Variants in LMNTD1 observed in about 807,000 individuals in gnomAD.
LMNTD1 encodes lamin tail domain-containing protein 1.
A neutral mutation model predicts 50.9 loss-of-function variants in LMNTD1; 35 were observed. That is an observed-to-expected ratio of 0.69 (90% CI 0.53 to 0.91). The LOEUF (loss-of-function observed/expected upper bound fraction) is 0.91. Ranked by LOEUF, LMNTD1 falls within the 40% of genes least tolerant of loss-of-function variation. The pLI is 0.00. For missense variants in LMNTD1, 470 were observed against 475.5 expected (o/e 0.99, Z 0.11); for synonymous variants, 153 against 161.9 (o/e 0.94, Z 0.42).
At chr12:25,542,945 G>A (rs1328406991) in intron 4 of LMNTD1, among the ~76,000 whole-genome samples, 2 of 151,688 alleles carry the variant, frequency 1.3e-5, no homozygotes, top group Admixed American at 1.3e-4. Context: ...AATGAGAAAG[G>A]TGATACCAAT....
chr12:25,484,258 G>A (rs1004393101), intron 9 of LMNTD1, among the ~76,000 whole-genome samples: 6 of 151,828 alleles, frequency 4.0e-5, no homozygotes, highest in African/African-American at 1.5e-4. Flanking sequence ...AAGCATTGTT[G>A]TTTTTCGTTT....
chr12:25,546,522 C>T lies in LMNTD1; in HGVS notation c.343G>A (p.Asp115Asn). 6.4e-7 allele frequency: 1 copy of T among 1,569,708 alleles called. No individual in the cohort carries two copies. Among genetic ancestry groups the T allele is most frequent in the Non-Finnish European group, 8.7e-7 (1 of 1,155,796 alleles). ...CCATCCCCAATCATGGGTGATTCAT[C>T]CTGTTTCTTCGGAACTGAGAAGGGG... ...ASPFSVPKKQ[D>N]ESPMIGDGED... The change falls in exon 4 of 10, where the codon GAT becomes AAT. Residue 115 changes from aspartate to asparagine, a missense_variant. Asp to Asn is a conservative substitution (Grantham distance 23). Transcript: ENST00000458174.
upstream of LMNTD1, among the ~76,000 whole-genome samples, chr12:25,554,045 A>G (rs1337301346): frequency 6.6e-6 from 1 of 152,228 alleles, no homozygotes; most frequent in Non-Finnish European, 1.5e-5. Flanking sequence ...GAAAAAGTCA[A>G]GACGTGTAAC....
intron 2 of LMNTD1, 49 bp from the exon 3 acceptor site, chr12:25,549,595 G>A (rs901290989): frequency 1.8e-6 from 2 of 1,116,354 alleles, no homozygotes; most frequent in African/African-American, 1.6e-5. Context: ...AAGTAAAAGT[G>A]GCTGTGAATA....
intron 2 of LMNTD1, among the ~76,000 whole-genome samples, chr12:25,552,563 C>A (rs1943818840): frequency 1.7e-5 from 2 of 119,922 alleles, no homozygotes; most frequent in Non-Finnish European, 3.3e-5. Context: ...GCCAAGATCG[C>A]GCCACTGCAC....
At chr12:25,527,713 CACACACAT>C (rs1240405610) in intron 4 of LMNTD1, among the ~76,000 whole-genome samples, 5 of 119,534 alleles carry the variant, frequency 4.2e-5, no homozygotes, top group East Asian at 2.7e-4. Flanking sequence ...CACACACACA[CACACACAT>C]ATACACACAT....
chr12:25,595,673 G>C (rs1300938394), intron 1 of LMNTD1, among the ~76,000 whole-genome samples: 1 of 152,054 alleles, frequency 6.6e-6, no homozygotes, highest in Non-Finnish European at 1.5e-5. Context: ...CAAGGAACTA[G>C]AGAAACAAGA....
At chr12:25,591,266 G>A (rs780415183) in intron 1 of LMNTD1, among the ~76,000 whole-genome samples, 7 of 152,100 alleles carry the variant, frequency 4.6e-5, no homozygotes, top group Non-Finnish European at 1.0e-4. Context: ...AGCCACCTGG[G>A]AGTGGTATAA....
At chr12:25,509,965 C>A (rs1181484120) in intron 8 of LMNTD1, among the ~76,000 whole-genome samples, 1 of 152,166 alleles carries the variant, frequency 6.6e-6, no homozygotes, top group Non-Finnish European at 1.5e-5. Flanking sequence ...GAATAAATTT[C>A]TATTGTTTTA....
chr12:25,503,968 G>A (rs1294605009), intron 8 of LMNTD1, among the ~76,000 whole-genome samples, 168 bp from the exon 9 acceptor site: 1 of 152,180 alleles, frequency 6.6e-6, no homozygotes, highest in African/African-American at 2.4e-5. Flanking sequence ...GTGGCTTCAG[G>A]ATAGTATTTA....
intron 1 of LMNTD1, among the ~76,000 whole-genome samples, chr12:25,576,020 T>C (rs1945004095): frequency 6.6e-6 from 1 of 152,230 alleles, no homozygotes; most frequent in Admixed American, 6.5e-5. Context: ...GGGCAGGAAC[T>C]CATCCTTTTT....
chr12:25,500,949 CAAAT>C (rs1939353013), intron 9 of LMNTD1, among the ~76,000 whole-genome samples: 1 of 151,266 alleles, frequency 6.6e-6, no homozygotes, highest in African/African-American at 2.4e-5. Context: ...AATTAGTGGT[CAAAT>C]AAACTCGAGA....
chr12:25,552,783 T>C lies in LMNTD1; in HGVS notation c.89+88A>G, dbSNP rs369599493. 80 of 770,808 alleles carry C rather than the reference T, an allele frequency of 1.0e-4. No homozygotes were observed. The East Asian group carries it at 1.2e-3, about 12-fold the overall frequency. 47.7% of individuals were successfully genotyped at this position (770,808 alleles called of 1,614,324 possible). A position where few individuals can be genotyped will look rare whatever the true frequency, so the allele number is the denominator to read the frequency against. ...TCTAGTTCTAACTGGTTCATAAGAG[T>C]ATTGAAACAAAAGAGGTCAAGCATG... On this transcript the variant is annotated intron_variant, in intron 2 of 9. Coordinates refer to ENST00000458174, the MANE Select transcript of LMNTD1 (RefSeq NM_001145728.2).
chr12:25,519,501 T>C (rs1941095758), intron 7 of LMNTD1, among the ~76,000 whole-genome samples: 1 of 145,092 alleles, frequency 6.9e-6, no homozygotes, highest in Non-Finnish European at 1.5e-5. Flanking sequence ...GGCAGCAGAA[T>C]GGCGTGAACC....
At chr12:25,519,728 G>C (rs992788127) in intron 7 of LMNTD1, 130 bp downstream of exon 7, 5 of 629,452 alleles carry the variant, frequency 7.9e-6, no homozygotes, top group Non-Finnish European at 1.4e-5. Context: ...ATTCAAAATA[G>C]TAGTTTCCAA....
chr12:25,636,652 A>G (rs1946841785), intron 1 of LMNTD1, among the ~76,000 whole-genome samples: 1 of 152,148 alleles, frequency 6.6e-6, no homozygotes, highest in Admixed American at 6.6e-5. Flanking sequence ...AGAGAAAAAG[A>G]AGACATTATA....
At chr12:25,635,188 C>T (rs577675382) in intron 1 of LMNTD1, among the ~76,000 whole-genome samples, 7 of 138,776 alleles carry the variant, frequency 5.0e-5, no homozygotes, top group African/African-American at 1.6e-4. Context: ...TGTGGTGAGC[C>T]GAAATCACAC....
chr12:25,498,599 C>T (rs1414582601), intron 9 of LMNTD1, among the ~76,000 whole-genome samples: 1 of 152,132 alleles, frequency 6.6e-6, no homozygotes, highest in Non-Finnish European at 1.5e-5. Context: ...ATATAAAAGA[C>T]TGAAGTCACA....
chr12:25,483,230 G>C lies in LMNTD1; in HGVS notation c.*23-6770C>G, dbSNP rs185368088. Among the ~76,000 whole-genome samples the C allele has an allele frequency of 4.0e-5, 6 of 151,734 alleles. No individual in the cohort carries two copies. In the East Asian group the frequency reaches 1.2e-3, roughly 29 times the overall value. ...GCCTGAACTCAGAAGTTGGAGACCA[G>C]CCTTGGCAACATGGCAAAACCCTGT... is the stretch of plus-strand genomic sequence containing the variant. On this transcript the variant is annotated intron_variant, in intron 9 of 9. Transcript: ENST00000458174.
Sources: allele counts gnomAD v4.1 joint callset (sites outside exome capture counted in the v4.1 genomes callset), GRCh38; gene constraint gnomAD v4.1.1; transcripts MANE v1.5; gene names NCBI Gene and HGNC (gene_info 2026-07-23, HGNC 2026-07-21).